Variants in ATP9A observed in about 807,000 individuals in gnomAD.
ATP9A encodes the protein ATPase phospholipid transporting 9A, also known as probable phospholipid-transporting ATPase IIA.
Under a neutral mutation model 144.1 loss-of-function variants are expected in ATP9A, and 52 were observed. That is an observed-to-expected ratio of 0.36 (90% CI 0.29 to 0.45). The LOEUF (loss-of-function observed/expected upper bound fraction) is 0.45. ATP9A is among the 20% of genes least tolerant of loss of function. The probability of loss-of-function intolerance (pLI) is 1.00; values close to 1 mark genes in which losing one functional copy is unlikely to be tolerated. For synonymous variants in ATP9A, 582 were observed against 557.4 expected (o/e 1.04, Z -0.62); for missense variants, 947 against 1,392.7 (o/e 0.68, Z 5.09).
chr20:51,721,629 T>G (rs370041962), intron 3 of ATP9A, among the ~76,000 whole-genome samples: 1 of 151,542 alleles, frequency 6.6e-6, no homozygotes, highest in African/African-American at 2.4e-5. Flanking sequence ...TGAAACCCCC[T>G]CTCTACTAAA....
chr20:51,624,849 A>G (rs1471409086), intron 18 of ATP9A, among the ~76,000 whole-genome samples: 1 of 152,022 alleles, frequency 6.6e-6, no homozygotes, highest in East Asian at 1.9e-4. Context: ...CTACAAAAAT[A>G]TAAAAATTAG....
intron 1 of ATP9A, 100 bp downstream of exon 1, chr20:51,768,202 G>T: frequency 1.4e-6 from 1 of 695,224 alleles, no homozygotes; most frequent in Non-Finnish European, 1.9e-6. Context: ...ATGGCGCCGG[G>T]CGCGGCGCGC....
At chr20:51,622,299 T>C (rs1322271670) in intron 18 of ATP9A, 127 bp from the exon 19 acceptor site, 10 of 735,388 alleles carry the variant, frequency 1.4e-5, no homozygotes, top group Admixed American at 1.1e-4. Flanking sequence ...TGCCGACTCA[T>C]GCTGTCCCCA....
chr20:51,742,370 A>G (rs998957885), intron 1 of ATP9A, among the ~76,000 whole-genome samples: 7 of 152,024 alleles, frequency 4.6e-5, no homozygotes, highest in Admixed American at 2.6e-4. Flanking sequence ...CATAACTAGA[A>G]ACCAGTATCA....
intron 15 of ATP9A, among the ~76,000 whole-genome samples, chr20:51,630,815 T>C (rs1253570521): frequency 6.6e-6 from 1 of 152,158 alleles, no homozygotes; most frequent in East Asian, 1.9e-4. Flanking sequence ...CATAAGAACA[T>C]GTCAACCTTG....
At chr20:51,651,368 A>AT (rs2077365686) in intron 14 of ATP9A, among the ~76,000 whole-genome samples, 219 of 142,296 alleles carry the variant, frequency 1.5e-3, no homozygotes, top group South Asian at 2.1e-3. Context: ...TACATTATAT[A>AT]TATTTCTTTA....
intron 3 of ATP9A, among the ~76,000 whole-genome samples, chr20:51,714,441 G>A (rs1330157020): frequency 6.6e-6 from 1 of 152,046 alleles, no homozygotes; most frequent in Admixed American, 6.6e-5. Flanking sequence ...GAGTGCAGTG[G>A]CACCATCTCG....
rs571278212 is a variant in ATP9A, at chr20:51,763,608, T to C, written c.68+4694A>G. On this transcript the variant is annotated intron_variant, in intron 1 of 27. Coordinates refer to ENST00000338821, the MANE Select transcript of ATP9A (RefSeq NM_006045.3). The stretch of plus-strand genomic sequence containing the variant: ...GATTACAGGAATGAGCCACCGCACC[T>C]GGCCAGTTTACATACTTTCAATAGA... Among the ~76,000 whole-genome samples the C allele has an allele frequency of 1.6e-4, 24 of 152,312 alleles. No homozygotes were observed. In the South Asian group the frequency reaches 4.6e-3, roughly 29 times the overall value.
At chr20:51,689,280 C>T in intron 8 of ATP9A, 141 bp from the exon 9 acceptor site, 1 of 726,582 alleles carries the variant, frequency 1.4e-6, no homozygotes, top group Non-Finnish European at 2.3e-6. Context: ...GCCGACGGCT[C>T]CACCATGAGG....
At chr20:51,615,390 T>A (rs988963369) in intron 22 of ATP9A, among the ~76,000 whole-genome samples, 2 of 152,192 alleles carry the variant, frequency 1.3e-5, no homozygotes, top group Admixed American at 1.3e-4. Context: ...TGCTCTCATG[T>A]AGGAACAAAT....
At position 51,597,025 on chromosome 20, in the gene ATP9A, ACT is replaced by A. The variant is rs2077122206; in HGVS notation, c.*4184_*4185del. ...AGATCAACCAATGAGGAAATCACAG[ACT>A]CTTACATGAGTTTACAGTTAACCCC... On this transcript the variant is annotated 3_prime_UTR_variant, in exon 28 of 28. Transcript: ENST00000338821. 1 of 152,128 alleles carries A rather than the reference ACT, an allele frequency of 6.6e-6. No individual in the cohort carries two copies. Among genetic ancestry groups the A allele is most frequent in the Admixed American group, 6.5e-5 (1 of 15,280 alleles). 9.4% of individuals were successfully genotyped at this position (152,128 alleles called of 1,614,324 possible).
intron 14 of ATP9A, among the ~76,000 whole-genome samples, chr20:51,651,169 C>G (rs892606895): frequency 1.5e-5 from 1 of 66,914 alleles, no homozygotes; most frequent in Non-Finnish European, 3.8e-5. Context: ...TATATATACA[C>G]ACACACACAC....
chr20:51,630,425 G>A (rs966593462), intron 15 of ATP9A, among the ~76,000 whole-genome samples: 6 of 152,106 alleles, frequency 3.9e-5, no homozygotes, highest in African/African-American at 1.4e-4. Context: ...ATCTCAAGCT[G>A]GGTGTGGTGG....
rs1223434606 is a variant in ATP9A at position 51,611,564 on chromosome 20, A to T, written c.2572-1399T>A. Among the ~76,000 whole-genome samples, 1 of 152,230 alleles carries T rather than the reference A, an allele frequency of 6.6e-6. No individual in the cohort carries two copies. Among genetic ancestry groups the T allele is most frequent in the Non-Finnish European group, 1.5e-5 (1 of 68,048 alleles). ...CTGGGACTTGCTCTCGGCCATTTTCAGCACAGTGGACAGGGGTTAAAGGCA... is the reference window on the plus strand; with the variant it reads ...CTGGGACTTGCTCTCGGCCATTTTCTGCACAGTGGACAGGGGTTAAAGGCA... On this transcript the variant is annotated intron_variant, in intron 23 of 27. Coordinates refer to ENST00000338821, the MANE Select transcript of ATP9A (RefSeq NM_006045.3). The surrounding 1 kb of genome is among the most constrained non-coding windows in gnomAD (Gnocchi z 4.2).
At chr20:51,675,643 GC>G (rs1256170058) in intron 10 of ATP9A, among the ~76,000 whole-genome samples, 1 of 152,226 alleles carries the variant, frequency 6.6e-6, no homozygotes, top group Non-Finnish European at 1.5e-5. Flanking sequence ...ACTTTGGGAG[GC>G]CGAGGAGGGA....
chr20:51,617,449 A>G (rs770393434), intron 22 of ATP9A, 41 bp downstream of exon 22: 2 of 1,581,828 alleles, frequency 1.3e-6, no homozygotes, highest in Non-Finnish European at 1.7e-6. Flanking sequence ...AGAACCAAGA[A>G]ACTACAGCAA....
chr20:51,754,394 G>A (rs73616845), intron 1 of ATP9A, among the ~76,000 whole-genome samples: 1 of 151,274 alleles, frequency 6.6e-6, no homozygotes, highest in Admixed American at 6.6e-5. Flanking sequence ...TCCCAGCTAC[G>A]CAGGAGGCTG....
chr20:51,616,900 G>A (rs750997918), intron 22 of ATP9A, among the ~76,000 whole-genome samples: 61 of 151,178 alleles, frequency 4.0e-4, no homozygotes, highest in Middle Eastern at 6.8e-3. Flanking sequence ...TCCCAGAGAA[G>A]TCTGAAGTAT....
At chr20:51,664,982 G>C (rs910481523) in intron 13 of ATP9A, among the ~76,000 whole-genome samples, 5 of 150,692 alleles carry the variant, frequency 3.3e-5, no homozygotes, top group Non-Finnish European at 5.9e-5. Flanking sequence ...TGCCCGCCTC[G>C]GCCTCCCAAA....
Sources: allele counts gnomAD v4.1 joint callset (sites outside exome capture counted in the v4.1 genomes callset), GRCh38; gene constraint gnomAD v4.1.1; non-coding constraint Gnocchi (gnomAD v3.1); transcripts MANE v1.5; gene names NCBI Gene and HGNC (gene_info 2026-07-23, HGNC 2026-07-21).